Variants in NAE1 observed in about 807,000 individuals in gnomAD.
The protein encoded by NAE1 is NEDD8-activating enzyme E1 regulatory subunit.
A neutral mutation model predicts 88.0 loss-of-function variants in NAE1; 59 were observed. That is an observed-to-expected ratio of 0.67 (90% CI 0.54 to 0.83). The LOEUF (loss-of-function observed/expected upper bound fraction) is 0.83, where lower values mean the gene tolerates loss of function less well. NAE1 is among the 40% of genes least tolerant of loss of function. NAE1 has a pLI of 0.00. For missense variants in NAE1, 554 were observed against 632.8 expected (o/e 0.88, Z 1.34); for synonymous variants, 186 against 208.9 (o/e 0.89, Z 0.95).
chr16:66,830,640 G>A (rs917372038), intron 1 of NAE1, among the ~76,000 whole-genome samples: 11 of 152,200 alleles, frequency 7.2e-5, no homozygotes, highest in Non-Finnish European at 1.5e-4. Flanking sequence ...TGCACACCGC[G>A]TGGCGGGGGA....
intron 13 of NAE1, 121 bp downstream of exon 13, chr16:66,813,443 G>A (rs1015848867): frequency 1.6e-6 from 2 of 1,252,944 alleles, no homozygotes. Flanking sequence ...AGCTGGCCTA[G>A]TTTATTTATA....
intron 4 of NAE1, 49 bp downstream of exon 4, chr16:66,824,806 A>C (rs1339870103): frequency 1.2e-5 from 18 of 1,505,540 alleles, no homozygotes; most frequent in Non-Finnish European, 1.6e-5. Context: ...ATCAAAACAC[A>C]GGGGCATCAT....
intron 6 of NAE1, 61 bp downstream of exon 6, chr16:66,823,166 A>C (rs1960336239): frequency 1.3e-5 from 14 of 1,112,238 alleles, no homozygotes; most frequent in Non-Finnish European, 1.8e-5. Flanking sequence ...CTGTGCAAAG[A>C]AAATAAAACA....
chr16:66,824,757 G>A (rs948962463), intron 4 of NAE1, 98 bp downstream of exon 4: 1 of 1,130,236 alleles, frequency 8.8e-7, no homozygotes, highest in Non-Finnish European at 1.3e-6. Flanking sequence ...TTTTCTCAGA[G>A]AAATAATACA....
chr16:66,826,421 T>C, intron 3 of NAE1, 102 bp downstream of exon 3: 1 of 1,074,636 alleles, frequency 9.3e-7, no homozygotes, highest in Non-Finnish European at 1.4e-6. Flanking sequence ...AACATAAGGA[T>C]GATTTCCACT....
chr16:66,830,785 G>A, intron 1 of NAE1, 62 bp downstream of exon 1: 2 of 1,469,676 alleles, frequency 1.4e-6, no homozygotes, highest in Non-Finnish European at 1.8e-6. Context: ...CGCGCCCTTA[G>A]GCCCGGCCCG....
chr16:66,824,303 A>G (rs1427843113), intron 4 of NAE1, among the ~76,000 whole-genome samples: 1 of 151,918 alleles, frequency 6.6e-6, no homozygotes, highest in Non-Finnish European at 1.5e-5. Flanking sequence ...GTTTTGTAAG[A>G]TTTTTTAGGC....
chr16:66,824,655 G>C, intron 4 of NAE1, 200 bp downstream of exon 4: 3 of 440,038 alleles, frequency 6.8e-6, no homozygotes, highest in Non-Finnish European at 1.2e-5. Flanking sequence ...CTTTAATACA[G>C]GATGCAATGT....
At chr16:66,806,302 T>C (rs1207659516) in intron 17 of NAE1, among the ~76,000 whole-genome samples, 2 of 152,232 alleles carry the variant, frequency 1.3e-5, no homozygotes, top group Non-Finnish European at 2.9e-5. Context: ...AATAATTATT[T>C]GATAGAAGAA....
chr16:66,816,612 T>G lies in NAE1; in HGVS notation c.809A>C (p.Lys270Thr). ...EDEENFEEAI[K>T]NVNTALNTTQ... Reference sequence around the variant, plus strand: ...TGTATTTAGTGCTGTGTTCACATTTTTAATAGCTTCTTCAAAATTCTCTTC... The same window carrying G: ...TGTATTTAGTGCTGTGTTCACATTTGTAATAGCTTCTTCAAAATTCTCTTC... Residue 270 changes from lysine to threonine, a missense_variant, in exon 11 of 20, where the codon AAA (lysine) becomes ACA (threonine). Physicochemically the swap from Lys to Thr is moderately conservative, Grantham distance 78 (BLOSUM62 -1). Transcript: ENST00000290810. 1 of 1,612,298 alleles carries G rather than the reference T, an allele frequency of 6.2e-7. No individual in the cohort carries two copies. The highest frequency in any genetic ancestry group is 8.5e-7 in the Non-Finnish European group (1 of 1,178,768).
At chr16:66,804,146 A>G (rs982750509) in intron 19 of NAE1, among the ~76,000 whole-genome samples, 1 of 152,112 alleles carries the variant, frequency 6.6e-6, no homozygotes, top group Non-Finnish European at 1.5e-5. Flanking sequence ...CAGGGATGGC[A>G]TCGCAGAGAA....
chr16:66,808,409 G>C (rs1567487724), intron 17 of NAE1, 112 bp downstream of exon 17: 2 of 794,014 alleles, frequency 2.5e-6, no homozygotes, highest in Admixed American at 2.8e-5. Flanking sequence ...GGTGTAATCT[G>C]TTTACAATGT....
chr16:66,812,411 T>C (rs551393781), intron 13 of NAE1, among the ~76,000 whole-genome samples: 2 of 152,022 alleles, frequency 1.3e-5, no homozygotes, highest in South Asian at 2.1e-4. Flanking sequence ...ATTAAGTTTA[T>C]CATGAAGTAT....
At chr16:66,803,228 T>C (rs922893307) in intron 19 of NAE1, 110 bp from the exon 20 acceptor site, 14 of 704,172 alleles carry the variant, frequency 2.0e-5, no homozygotes, top group Non-Finnish European at 3.3e-5. Context: ...TGTTTTAAAG[T>C]GACCCAAAAC....
chr16:66,828,386 G>C (rs1230703421), intron 1 of NAE1, among the ~76,000 whole-genome samples: 1 of 151,896 alleles, frequency 6.6e-6, no homozygotes, highest in Non-Finnish European at 1.5e-5. Context: ...AGCTACTAGG[G>C]AGGCTGAGGC....
At position 66,821,543 on chromosome 16, in the gene NAE1, C is replaced by A. The variant is rs755963709; in HGVS notation, c.418G>T (p.Ala140Ser). The A allele has an allele frequency of 1.3e-6, 2 of 1,597,106 alleles. No homozygotes were observed. The highest frequency in any genetic ancestry group is 1.7e-6 in the Non-Finnish European group (2 of 1,174,370). Residue 140 changes from alanine to serine, a missense_variant, in exon 7 of 20, where the codon GCA (alanine) becomes TCA (serine). By Grantham distance (99) the Ala-to-Ser change is moderately conservative. Coordinates refer to ENST00000290810, the MANE Select transcript of NAE1 (RefSeq NM_003905.4). Reference sequence around the variant, plus strand: ...ATCTGGGAATTCCAGAGGACATCTGCTAAGCGTAGTGAAGTGCTGTTTAAA... The same window carrying A: ...ATCTGGGAATTCCAGAGGACATCTGATAAGCGTAGTGAAGTGCTGTTTAAA... ...QLPESTSLRLADVLWNSQIPL... is the reference protein window; with the variant it reads ...QLPESTSLRLSDVLWNSQIPL...
intron 6 of NAE1, 21 bp downstream of exon 6, chr16:66,823,204 AAC>A: frequency 1.4e-6 from 2 of 1,429,518 alleles, no homozygotes; most frequent in Non-Finnish European, 1.9e-6. Flanking sequence ...TTAAAATAAA[AAC>A]ATATTAACAT....
chr16:66,820,475 G>T (rs1366191305), intron 7 of NAE1, among the ~76,000 whole-genome samples: 1 of 152,166 alleles, frequency 6.6e-6, no homozygotes, highest in East Asian at 1.9e-4. Context: ...AAGATTGGAC[G>T]GACCTGGTGC....
chr16:66,823,747 T>A (rs758344487), intron 4 of NAE1, 147 bp from the exon 5 acceptor site: 5 of 674,090 alleles, frequency 7.4e-6, no homozygotes, highest in Non-Finnish European at 1.2e-5. Flanking sequence ...TTTTTTCTTT[T>A]TAGAGACAGG....
Sources: allele counts gnomAD v4.1 joint callset (sites outside exome capture counted in the v4.1 genomes callset), GRCh38; gene constraint gnomAD v4.1.1; transcripts MANE v1.5; gene names NCBI Gene and HGNC (gene_info 2026-07-23, HGNC 2026-07-21).